RAP1GDS1: variants seen among roughly 807,000 people sequenced by gnomAD.
RAP1GDS1 encodes the protein RAP1, GTP-GDP dissociation stimulator 1.
In RAP1GDS1, 35 loss-of-function variants were observed where a neutral mutation model predicts 71.1. The observed-to-expected ratio is 0.49, with a 90% CI of 0.38 to 0.65. RAP1GDS1 has a LOEUF of 0.65. Among genes scored for constraint, RAP1GDS1 ranks in the 30% least tolerant of loss-of-function variants. The pLI is 0.00. For synonymous variants in RAP1GDS1, 229 were observed against 243.1 expected (o/e 0.94, Z 0.54); for missense variants, 663 against 706.1 (o/e 0.94, Z 0.69).
chr4:98,333,147 AT>A (rs943247875), intron 2 of RAP1GDS1, among the ~76,000 whole-genome samples: 53 of 151,858 alleles, frequency 3.5e-4, no homozygotes, highest in Admixed American at 2.4e-3. Context: ...TTTCCTACTT[AT>A]TTTACTTATT....
chr4:98,362,470 C>G (rs748322038), intron 4 of RAP1GDS1, among the ~76,000 whole-genome samples: 20 of 152,066 alleles, frequency 1.3e-4, no homozygotes, highest in Non-Finnish European at 2.6e-4. Flanking sequence ...AAGACCTTGT[C>G]TGAAAACAGA....
intron 7 of RAP1GDS1, 39 bp downstream of exon 7, chr4:98,404,641 T>G: frequency 6.3e-7 from 1 of 1,578,880 alleles, no homozygotes; most frequent in South Asian, 1.2e-5. Flanking sequence ...TTTGATCATG[T>G]ATGCTTTAAA....
At chr4:98,291,182 G>A (rs759375507) in intron 1 of RAP1GDS1, among the ~76,000 whole-genome samples, 6 of 152,076 alleles carry the variant, frequency 3.9e-5, no homozygotes, top group African/African-American at 9.7e-5. Context: ...TTTAAGGAGC[G>A]ATTGAGTGGG....
intron 13 of RAP1GDS1, 93 bp downstream of exon 13, chr4:98,434,155 C>A: frequency 6.9e-7 from 1 of 1,459,558 alleles, no homozygotes; most frequent in South Asian, 1.2e-5. Context: ...AGAACCTTGA[C>A]TGGAAGCATT....
At chr4:98,332,951 T>C (rs1359437597) in intron 2 of RAP1GDS1, among the ~76,000 whole-genome samples, 1 of 152,184 alleles carries the variant, frequency 6.6e-6, no homozygotes, top group East Asian at 1.9e-4. Context: ...GTGAGCTGCA[T>C]AGACCTTTGA....
At chr4:98,426,253 A>G (rs1476749547) in intron 12 of RAP1GDS1, among the ~76,000 whole-genome samples, 6 of 152,152 alleles carry the variant, frequency 3.9e-5, no homozygotes, top group Non-Finnish European at 8.8e-5. Flanking sequence ...ATAGCCTGAA[A>G]TAGGCATTTC....
At position 98,421,314 on chromosome 4, in the gene RAP1GDS1, T is replaced by C. The variant is rs1438561955; in HGVS notation, c.1360T>C (p.Cys454Arg). The part of the protein sequence containing the change: ...VKLVERLVEW[C>R]EAKDHAGVMG... ...GTTAGTGGAGCGTTTGGTGGAATGG[T>C]GTGAAGCCAAAGATCATGCTGGTGT... The change falls in exon 12 of 15, where the codon TGT becomes CGT. Residue 454 changes from cysteine to arginine, a missense_variant. By Grantham distance (180) the Cys-to-Arg change is radical. Transcript: ENST00000408927. The C allele has an allele frequency of 6.2e-7, 1 of 1,612,384 alleles. No homozygotes were observed.
rs62321492 is a variant in RAP1GDS1, at chr4:98,382,409, A to C, written c.508+3246A>C. Among the ~76,000 whole-genome samples, 624 of 151,722 alleles carry C rather than the reference A, an allele frequency of 4.1e-3. 3 individuals are homozygous for C. Among genetic ancestry groups the C allele is most frequent in the Non-Finnish European group, 6.0e-3 (409 of 67,606 alleles). On this transcript the variant is annotated intron_variant, in intron 5 of 14. Coordinates refer to ENST00000408927, the MANE Select transcript of RAP1GDS1 (RefSeq NM_001100427.2). ...AAAGCACTCTTTGATTCTGTGGCTCATGAAAATAGCCTGAATATTTGACAA... is the reference window on the plus strand; with the variant it reads ...AAAGCACTCTTTGATTCTGTGGCTCCTGAAAATAGCCTGAATATTTGACAA...
rs1484454639 is a variant in RAP1GDS1 at position 98,346,557 on chromosome 4, TA to T, written c.235+3297del. On this transcript the variant is annotated intron_variant, in intron 3 of 14. Transcript: ENST00000408927. Reference sequence around the variant, plus strand: ...CCGTCATTTTGTAAGAATGATTATTTATTTTTTTTTTTTTTGAGAGGGAGTC... The same window carrying T: ...CCGTCATTTTGTAAGAATGATTATTTTTTTTTTTTTTTTTGAGAGGGAGTC... 3.4e-3 allele frequency among the ~76,000 whole-genome samples: 522 copies of T among 152,010 alleles called. 3 individuals carry two copies. The highest frequency in any genetic ancestry group is 0.012 in the African/African-American group (490 of 41,456).
intron 2 of RAP1GDS1, among the ~76,000 whole-genome samples, chr4:98,336,350 A>G (rs1013148474): frequency 2.0e-5 from 3 of 152,154 alleles, no homozygotes; most frequent in Non-Finnish European, 4.4e-5. Flanking sequence ...TGACCTACTT[A>G]GTGGTAATTT....
intron 1 of RAP1GDS1, among the ~76,000 whole-genome samples, chr4:98,272,898 G>T (rs1012796424): frequency 1.3e-5 from 2 of 152,116 alleles, no homozygotes; most frequent in African/African-American, 4.8e-5. Context: ...TTAAAACAAC[G>T]ATTTTTTTCT....
At position 98,352,506 on chromosome 4, in the gene RAP1GDS1, G is replaced by A; in HGVS notation, c.266G>A (p.Gly89Glu). 1 of 1,613,838 alleles carries A rather than the reference G, an allele frequency of 6.2e-7. No homozygotes were observed. The highest frequency in any genetic ancestry group is 8.5e-7 in the Non-Finnish European group (1 of 1,179,838). The change falls in exon 4 of 15, where the codon GGA becomes GAA. Residue 89 changes from glycine to glutamate, a missense_variant. By Grantham distance (98) the Gly-to-Glu change is moderately conservative. Transcript: ENST00000408927. Reference sequence around the variant, plus strand: ...ATGCGAATTCCATGTGTGGATGCTGGATTGATTTCACCACTGGTGCAGCTG... The same window carrying A: ...ATGCGAATTCCATGTGTGGATGCTGAATTGATTTCACCACTGGTGCAGCTG... Reference protein sequence around the residue: ...EFMRIPCVDAGLISPLVQLLN... With the variant: ...EFMRIPCVDAELISPLVQLLN...
At chr4:98,277,441 C>G (rs1476227810) in intron 1 of RAP1GDS1, among the ~76,000 whole-genome samples, 1 of 152,218 alleles carries the variant, frequency 6.6e-6, no homozygotes, top group African/African-American at 2.4e-5. Flanking sequence ...TTTGCTACCT[C>G]TTATTTCTCA....
chr4:98,426,323 A>C (rs1749609027), intron 12 of RAP1GDS1, among the ~76,000 whole-genome samples: 1 of 152,118 alleles, frequency 6.6e-6, no homozygotes, highest in Admixed American at 6.6e-5. Context: ...AACTAGAGAA[A>C]CAAGAACAAA....
In RAP1GDS1 at chr4:98,352,513, T is replaced by C. The variant is rs753751669; in HGVS notation, c.273T>C (p.Ile91=). 4 of 1,614,066 alleles carry C rather than the reference T, an allele frequency of 2.5e-6. No homozygotes were observed. Among genetic ancestry groups the C allele is most frequent in the Middle Eastern group, 1.6e-4 (1 of 6,062 alleles). Residue 91 remains isoleucine (I), a synonymous_variant, in exon 4 of 15, where the codon ATT becomes ATC. Coordinates refer to ENST00000408927, the MANE Select transcript of RAP1GDS1 (RefSeq NM_001100427.2). ...MRIPCVDAGL[I]SPLVQLLNSK... ...TTCCATGTGTGGATGCTGGATTGAT[T>C]TCACCACTGGTGCAGCTGCTAAATA...
chr4:98,350,483 G>T (rs1009903463), intron 3 of RAP1GDS1, among the ~76,000 whole-genome samples: 1 of 151,960 alleles, frequency 6.6e-6, no homozygotes, highest in Non-Finnish European at 1.5e-5. Context: ...ACAATGGGAG[G>T]ATCACTTGAG....
Position 98,434,062 on chromosome 4 carries a change from G to T in RAP1GDS1, c.1567G>T (p.Gly523Cys), listed in dbSNP as rs1392908875. Residue 523 changes from glycine (G) to cysteine (C), a missense_variant and splice_region_variant, in exon 13 of 15, where the codon GGC (glycine) becomes TGC (cysteine). Gly to Cys is a radical substitution (Grantham distance 159). Transcript: ENST00000408927. ...GGCATTAATAGCAGCTTTAGAATTG[G>T]GTAAGTACCCCAGTGACAAACTTAT... ...ALALIAALELGTAEKDLESAK... is the reference protein window; with the variant it reads ...ALALIAALELCTAEKDLESAK... 2 of 1,612,606 alleles carry T rather than the reference G, an allele frequency of 1.2e-6. No individual in the cohort carries two copies. The highest frequency in any genetic ancestry group is 1.7e-5 in the Admixed American group (1 of 59,988).
At chr4:98,364,318 A>G (rs2038493502) in intron 4 of RAP1GDS1, among the ~76,000 whole-genome samples, 1 of 152,254 alleles carries the variant, frequency 6.6e-6, no homozygotes, top group Non-Finnish European at 1.5e-5. Context: ...AGGGAATTTA[A>G]AAGTCATCTC....
intron 12 of RAP1GDS1, among the ~76,000 whole-genome samples, chr4:98,429,171 T>C (rs922331961): frequency 6.7e-6 from 1 of 149,030 alleles, no homozygotes; most frequent in Non-Finnish European, 1.5e-5. Context: ...GGCAGGAGGA[T>C]GGCGTGAACC....
Sources: gnomAD v4.1 joint callset for allele counts (sites outside exome capture counted in the v4.1 genomes callset) on GRCh38, gnomAD v4.1.1 for gene constraint, MANE v1.5 for transcripts, NCBI Gene and HGNC (gene_info 2026-07-23, HGNC 2026-07-21) for gene names.